CFAP299: variants seen among roughly 807,000 people sequenced by gnomAD.
CFAP299 encodes cilia and flagella associated protein 299.
A neutral mutation model predicts 27.0 loss-of-function variants in CFAP299; 21 were observed. The observed-to-expected ratio is 0.78, with a 90% CI of 0.55 to 1.12. The LOEUF is 1.12. Ranked by LOEUF, CFAP299 falls within the 50% of genes most tolerant of loss-of-function variation. The pLI is 0.00. For synonymous variants in CFAP299, 104 were observed against 98.1 expected (o/e 1.06, Z -0.36); for missense variants, 310 against 276.6 (o/e 1.12, Z -0.86).
intron 4 of CFAP299, 45 bp from the exon 5 acceptor site, chr4:80,944,765 A>G (rs770005602): frequency 7.1e-7 from 1 of 1,402,686 alleles, no homozygotes; most frequent in Admixed American, 2.1e-5. Context: ...TTGTCAATTT[A>G]ATGCATTATA....
intron 2 of CFAP299, among the ~76,000 whole-genome samples, chr4:80,428,904 ACT>A (rs1348170083): frequency 6.6e-6 from 1 of 152,064 alleles, no homozygotes; most frequent in African/African-American, 2.4e-5. Context: ...AATTATTGAC[ACT>A]CTGTACACAA....
chr4:80,675,128 T>C (rs1251298353), intron 3 of CFAP299, among the ~76,000 whole-genome samples: 1 of 152,200 alleles, frequency 6.6e-6, no homozygotes, highest in Non-Finnish European at 1.5e-5. Context: ...ATTTTCAGCT[T>C]TTCTCCTCTG....
intron 3 of CFAP299, among the ~76,000 whole-genome samples, chr4:80,689,165 A>G (rs1401407019): frequency 1.3e-5 from 2 of 152,170 alleles, no homozygotes; most frequent in Non-Finnish European, 2.9e-5. Flanking sequence ...AGGCAGGCCA[A>G]CATTCAGATT....
At chr4:80,568,513 G>A (rs181647458) in intron 2 of CFAP299, among the ~76,000 whole-genome samples, 10 of 152,194 alleles carry the variant, frequency 6.6e-5, no homozygotes, top group Non-Finnish European at 1.2e-4. Flanking sequence ...AAAGAGAGAT[G>A]ACAGTCAAGC....
At chr4:80,363,075 T>G (rs1021466268) in intron 2 of CFAP299, among the ~76,000 whole-genome samples, 191 bp downstream of exon 2, 2 of 152,216 alleles carry the variant, frequency 1.3e-5, no homozygotes, top group Non-Finnish European at 2.9e-5. Flanking sequence ...CACATGCAAC[T>G]TCAAGCTACT....
intron 3 of CFAP299, among the ~76,000 whole-genome samples, chr4:80,762,876 A>G (rs182412401): frequency 6.6e-6 from 1 of 152,282 alleles, no homozygotes; most frequent in Admixed American, 6.5e-5. Flanking sequence ...TACCAACTCC[A>G]AAGCTCTACT....
At chr4:80,740,936 G>A (rs1201143571) in intron 3 of CFAP299, among the ~76,000 whole-genome samples, 2 of 152,118 alleles carry the variant, frequency 1.3e-5, no homozygotes, top group East Asian at 1.9e-4. Flanking sequence ...ACCCTTCAGG[G>A]CTGTCAGGTC....
intron 3 of CFAP299, among the ~76,000 whole-genome samples, chr4:80,857,818 T>C (rs1732020092): frequency 6.6e-6 from 1 of 152,252 alleles, no homozygotes; most frequent in Non-Finnish European, 1.5e-5. Flanking sequence ...CAGTATTTTA[T>C]TGAGGATTTT....
At chr4:80,732,946 TATC>T (rs1242458094) in intron 3 of CFAP299, among the ~76,000 whole-genome samples, 2 of 152,244 alleles carry the variant, frequency 1.3e-5, no homozygotes, top group Non-Finnish European at 2.9e-5. Flanking sequence ...TGGCATAGAT[TATC>T]ATCACAACTA....
chr4:80,743,889 A>T (rs556072436), intron 3 of CFAP299, among the ~76,000 whole-genome samples: 2 of 152,312 alleles, frequency 1.3e-5, no homozygotes, highest in South Asian at 4.1e-4. Flanking sequence ...ATATAAAGTG[A>T]TCTTTTTCAT....
At chr4:80,608,856 G>A (rs1737814888) in intron 3 of CFAP299, among the ~76,000 whole-genome samples, 1 of 59,984 alleles carries the variant, frequency 1.7e-5, no homozygotes, top group African/African-American at 5.1e-5. Flanking sequence ...AAGCTTACAC[G>A]ATGCATGTGT....
chr4:80,794,876 C>T (rs560762019), intron 3 of CFAP299, among the ~76,000 whole-genome samples: 4 of 152,220 alleles, frequency 2.6e-5, no homozygotes, highest in African/African-American at 9.6e-5. Context: ...GGAATGGTGC[C>T]ATATTGAGGG....
upstream of CFAP299, among the ~76,000 whole-genome samples, chr4:80,331,414 G>C (rs921048421): frequency 9.2e-5 from 14 of 152,194 alleles, no homozygotes; most frequent in Non-Finnish European, 1.9e-4. Flanking sequence ...ACTACATTTT[G>C]AAGAGTGGAA....
At chr4:80,343,154 A>G (rs750852785) in intron 1 of CFAP299, among the ~76,000 whole-genome samples, 1 of 152,260 alleles carries the variant, frequency 6.6e-6, no homozygotes, top group Non-Finnish European at 1.5e-5. Context: ...CACCTAATAC[A>G]GGAGCACCCA....
intron 3 of CFAP299, among the ~76,000 whole-genome samples, chr4:80,671,568 C>T (rs1741484233): frequency 6.6e-6 from 1 of 152,108 alleles, no homozygotes; most frequent in Admixed American, 6.6e-5. Context: ...GGCATTGAAT[C>T]TATAAATTAC....
chr4:80,782,997 A>G (rs539187930), intron 3 of CFAP299, among the ~76,000 whole-genome samples: 1 of 152,126 alleles, frequency 6.6e-6, no homozygotes, highest in South Asian at 2.1e-4. Flanking sequence ...AGAGTAGATT[A>G]GTTATCTATT....
chr4:80,362,375 CTT>C (rs955223894), intron 1 of CFAP299, among the ~76,000 whole-genome samples: 8 of 150,080 alleles, frequency 5.3e-5, no homozygotes, highest in African/African-American at 2.0e-4. Context: ...TTTAAAATGT[CTT>C]TTGTGTATGA....
chr4:80,658,671 T>G (rs1740683886), intron 3 of CFAP299, among the ~76,000 whole-genome samples: 1 of 152,148 alleles, frequency 6.6e-6, no homozygotes, highest in Admixed American at 6.6e-5. Context: ...CTTGTGAACT[T>G]TAGTAAGTGG....
intron 2 of CFAP299, among the ~76,000 whole-genome samples, chr4:80,580,969 A>T (rs1326804583): frequency 6.6e-6 from 1 of 152,010 alleles, no homozygotes; most frequent in Non-Finnish European, 1.5e-5. Context: ...GAAGAGCCGC[A>T]GTAAACCTGC....
Sources: gnomAD v4.1 joint callset for allele counts (sites outside exome capture counted in the v4.1 genomes callset) on GRCh38, gnomAD v4.1.1 for gene constraint, MANE v1.5 for transcripts, NCBI Gene and HGNC (gene_info 2026-07-23, HGNC 2026-07-21) for gene names.